The following G2E3 variants were observed in gnomAD, a reference collection of about 807,000 sequenced individuals.
G2E3 encodes G2/M-phase specific E3 ubiquitin protein ligase.
A neutral mutation model predicts 92.8 loss-of-function variants in G2E3; 35 were observed. That is an observed-to-expected ratio of 0.38 (90% confidence interval 0.29 to 0.50). G2E3 has a LOEUF of 0.50. Ranked by LOEUF, G2E3 falls within the 20% of genes least tolerant of loss-of-function variation. G2E3 has a pLI of 0.94. For synonymous variants in G2E3, 242 were observed against 272.4 expected (o/e 0.89, Z 1.10); for missense variants, 554 against 823.8 (o/e 0.67, Z 4.01).
intron 1 of G2E3, among the ~76,000 whole-genome samples, chr14:30,568,101 G>A (rs1227491918): frequency 6.6e-6 from 1 of 152,000 alleles, no homozygotes; most frequent in Admixed American, 6.5e-5. Flanking sequence ...CTCTTATTAG[G>A]TGGGTTTGTG....
At chr14:30,590,131 A>AGAAT (rs1415073540) in intron 4 of G2E3, among the ~76,000 whole-genome samples, 5 of 152,160 alleles carry the variant, frequency 3.3e-5, no homozygotes, top group Non-Finnish European at 5.9e-5. Flanking sequence ...ATAATGAGAA[A>AGAAT]GAATGAGAAG....
chr14:30,584,532 A>C, intron 2 of G2E3, among the ~76,000 whole-genome samples: 1 of 152,144 alleles, frequency 6.6e-6, no homozygotes. Context: ...GTCCTTTGTC[A>C]ATACTTGTTA....
chr14:30,575,371 A>G (rs1190130950), intron 1 of G2E3, among the ~76,000 whole-genome samples: 2 of 152,168 alleles, frequency 1.3e-5, no homozygotes, highest in Admixed American at 6.5e-5. Context: ...TTGAGGGAAC[A>G]TACCTCAAAA....
At chr14:30,564,785 A>G (rs1436366227) in intron 1 of G2E3, among the ~76,000 whole-genome samples, 2 of 152,184 alleles carry the variant, frequency 1.3e-5, no homozygotes, top group African/African-American at 4.8e-5. Flanking sequence ...ATGTTGTAGC[A>G]TGTTTCAGTA....
intron 1 of G2E3, among the ~76,000 whole-genome samples, chr14:30,564,853 CCATT>C (rs1278732424): frequency 6.6e-6 from 1 of 152,114 alleles, no homozygotes; most frequent in Admixed American, 6.5e-5. Context: ...TTTTGTATAT[CCATT>C]CATCAATTGA....
intron 2 of G2E3, among the ~76,000 whole-genome samples, chr14:30,584,741 TTTG>T (rs1031566971): frequency 7.9e-5 from 12 of 152,108 alleles, no homozygotes; most frequent in African/African-American, 2.7e-4. Flanking sequence ...TGTTGGTGAT[TTTG>T]TTGTTATCAG....
intron 3 of G2E3, among the ~76,000 whole-genome samples, chr14:30,587,530 G>A (rs1338558550): frequency 1.3e-5 from 2 of 152,198 alleles, no homozygotes; most frequent in African/African-American, 4.8e-5. Flanking sequence ...CATAGTATCT[G>A]AGGGTCAGGA....
intron 6 of G2E3, among the ~76,000 whole-genome samples, chr14:30,596,399 C>G (rs1315930586): frequency 6.6e-6 from 1 of 152,262 alleles, no homozygotes; most frequent in South Asian, 2.1e-4. Context: ...CTGTCTTTAA[C>G]TTACCTACCT....
At chr14:30,610,969 A>C (rs1882060902) in intron 12 of G2E3, among the ~76,000 whole-genome samples, 1 of 152,240 alleles carries the variant, frequency 6.6e-6, no homozygotes, top group South Asian at 2.1e-4. Flanking sequence ...ATAAAATGCT[A>C]TCTGGCCCTT....
intron 8 of G2E3, 92 bp from the exon 9 acceptor site, chr14:30,601,678 T>C: frequency 8.4e-7 from 1 of 1,192,652 alleles, no homozygotes. Context: ...TGTGCGTGTT[T>C]GTGTGTAAGA....
At chr14:30,571,578 A>T (rs1041898452) in intron 1 of G2E3, among the ~76,000 whole-genome samples, 56 of 151,888 alleles carry the variant, frequency 3.7e-4, no homozygotes, top group African/African-American at 1.3e-3. Flanking sequence ...CTTGTGATCC[A>T]ATTTGAATTA....
intron 5 of G2E3, 64 bp from the exon 6 acceptor site, chr14:30,593,410 A>G: frequency 2.7e-6 from 2 of 732,164 alleles, no homozygotes; most frequent in Non-Finnish European, 4.6e-6. Flanking sequence ...TATGTGAATT[A>G]CAGTGTTTTC....
At chr14:30,590,732 A>G (rs967274034) in intron 4 of G2E3, 15 of 455,924 alleles carry the variant, frequency 3.3e-5, no homozygotes, top group African/African-American at 2.6e-4. Flanking sequence ...AAAGGTGAGC[A>G]TGAATCTAAG....
At chr14:30,565,519 T>A (rs1879373740) in intron 1 of G2E3, among the ~76,000 whole-genome samples, 1 of 152,060 alleles carries the variant, frequency 6.6e-6, no homozygotes, top group African/African-American at 2.4e-5. Flanking sequence ...CATTGCCAAA[T>A]ACAAGGTCAT....
chr14:30,615,863 T>TA, intron 14 of G2E3, among the ~76,000 whole-genome samples: 1 of 152,310 alleles, frequency 6.6e-6, no homozygotes, highest in Admixed American at 6.5e-5. Context: ...AATTTGAAGT[T>TA]AAACTAAATT....
chr14:30,605,588 A>G lies in G2E3; in HGVS notation c.1094A>G (p.Tyr365Cys), dbSNP rs773527696. ...ATTAAAAAAAAAACTAAAAGATTGT[A>G]TATCAACAAAGCCAATATCTGGAAT... Reference protein sequence around the residue: ...FQIKKKTKRLYINKANIWNSA... With the variant: ...FQIKKKTKRLCINKANIWNSA... The change falls in exon 11 of 15, where the codon TAT (tyrosine) becomes TGT (cysteine). Residue 365 changes from tyrosine (Y) to cysteine (C), a missense_variant. Transcript: ENST00000206595. The G allele has an allele frequency of 3.9e-6, 6 of 1,533,290 alleles. No homozygotes were observed. The highest frequency in any genetic ancestry group is 5.4e-6 in the Non-Finnish European group (6 of 1,113,120). 95.0% of individuals were successfully genotyped at this position (1,533,290 alleles called of 1,614,324 possible).
chr14:30,563,467 C>T (rs1879237687), intron 1 of G2E3, among the ~76,000 whole-genome samples: 1 of 152,078 alleles, frequency 6.6e-6, no homozygotes. Flanking sequence ...CAGGCTAGAC[C>T]ATTCATGTGA....
At position 30,593,589 on chromosome 14, in the gene G2E3, T is replaced by C. The variant is rs1273515739; in HGVS notation, c.478T>C (p.Leu160=). ...TGAGCCTATTCCAAGTTATAACATA[T>C]TACGAAGTCCTTGTTGTAAGAACGC... ...FIEPIPSYNI[L]RSPCCKNAWF... The change falls in exon 6 of 15, where the codon TTA becomes CTA. Residue 160 remains leucine (L), a synonymous_variant. Coordinates refer to ENST00000206595, the MANE Select transcript of G2E3 (RefSeq NM_017769.5). 6 of 1,606,538 alleles carry C rather than the reference T, an allele frequency of 3.7e-6. No individual in the cohort carries two copies. Among genetic ancestry groups the C allele is most frequent in the Non-Finnish European group, 3.4e-6 (4 of 1,173,578 alleles).
intron 1 of G2E3, among the ~76,000 whole-genome samples, chr14:30,563,512 A>G (rs982132527): frequency 1.6e-4 from 24 of 150,918 alleles, no homozygotes; most frequent in African/African-American, 5.3e-4. Context: ...TCACAAGACT[A>G]TTGGAAGCCA....
Sources: gnomAD v4.1 joint callset for allele counts (sites outside exome capture counted in the v4.1 genomes callset) on GRCh38, gnomAD v4.1.1 for gene constraint, MANE v1.5 for transcripts, NCBI Gene and HGNC (gene_info 2026-07-23, HGNC 2026-07-21) for gene names.